Variants in TRPC4 observed in about 807,000 individuals in gnomAD.
TRPC4 encodes the protein transient receptor potential cation channel subfamily C member 4.
A neutral mutation model predicts 99.4 loss-of-function variants in TRPC4; 49 were observed. The ratio of observed to expected loss-of-function variants is 0.49; its 90% CI spans 0.39 to 0.63. The LOEUF (loss-of-function observed/expected upper bound fraction) is 0.63, where lower values mean the gene tolerates loss of function less well. Ranked by LOEUF, TRPC4 falls within the 20% of genes least tolerant of loss-of-function variation. TRPC4 has a pLI of 0.00. For synonymous variants in TRPC4, 454 were observed against 425.9 expected (o/e 1.07, Z -0.81); for missense variants, 898 against 1,152.9 (o/e 0.78, Z 3.20).
chr13:37,796,929 A>AAAAATAAAAT (rs1193921345), intron 1 of TRPC4, among the ~76,000 whole-genome samples: 7,775 of 40,944 alleles, frequency 0.19, 1,017 homozygotes, highest in Non-Finnish European at 0.25. Context: ...TCCTCTCTAC[A>AAAAATAAAAT]AAAATAAAAT....
chr13:37,803,052 C>T (rs536574583), intron 1 of TRPC4, among the ~76,000 whole-genome samples: 2 of 151,846 alleles, frequency 1.3e-5, no homozygotes, highest in African/African-American at 4.8e-5. Context: ...TAACCTGATA[C>T]TATTATTGTT....
At chr13:37,771,514 G>A (rs1030442524) in intron 2 of TRPC4, among the ~76,000 whole-genome samples, 1 of 151,174 alleles carries the variant, frequency 6.6e-6, no homozygotes, top group Non-Finnish European at 1.5e-5. Context: ...TTTAAGAAAA[G>A]CAGTTCATTT....
chr13:37,647,821 G>T lies in TRPC4; in HGVS notation c.2079+3444C>A, dbSNP rs376093822. Among the ~76,000 whole-genome samples, 3 of 152,110 alleles carry T rather than the reference G, an allele frequency of 2.0e-5. No individual in the cohort carries two copies. In the East Asian group the frequency reaches 5.8e-4, roughly 29 times the overall value. Reference sequence around the variant, plus strand: ...ATGTCCACATAATAAACTATCAGGAGGATTAACCAAGTTGAAATAAATTCA... The same window carrying T: ...ATGTCCACATAATAAACTATCAGGATGATTAACCAAGTTGAAATAAATTCA... On this transcript the variant is annotated intron_variant, in intron 8 of 10. Coordinates refer to ENST00000379705, the MANE Select transcript of TRPC4 (RefSeq NM_016179.4).
chr13:37,764,559 T>A (rs530308868), intron 2 of TRPC4, among the ~76,000 whole-genome samples: 3 of 151,518 alleles, frequency 2.0e-5, no homozygotes, highest in South Asian at 2.1e-4. Flanking sequence ...TTTTTGTTTG[T>A]TTGGTTTTGT....
intron 1 of TRPC4, among the ~76,000 whole-genome samples, chr13:37,807,829 A>G (rs1169461549): frequency 6.6e-6 from 1 of 152,046 alleles, no homozygotes; most frequent in African/African-American, 2.4e-5. Flanking sequence ...ATTAATGAAA[A>G]TCCTCTGTAG....
intron 3 of TRPC4, among the ~76,000 whole-genome samples, chr13:37,714,494 T>G (rs2139001280): frequency 6.6e-6 from 1 of 152,330 alleles, no homozygotes; most frequent in African/African-American, 2.4e-5. Context: ...TAAACTGATC[T>G]TTTCAAAATC....
At chr13:37,726,708 A>T (rs971014923) in intron 3 of TRPC4, among the ~76,000 whole-genome samples, 11 of 152,286 alleles carry the variant, frequency 7.2e-5, no homozygotes, top group South Asian at 2.1e-4. Flanking sequence ...TTTCTACAAG[A>T]GACTCACCTT....
chr13:37,792,014 T>A (rs545741376), intron 1 of TRPC4, among the ~76,000 whole-genome samples: 1 of 152,228 alleles, frequency 6.6e-6, no homozygotes, highest in South Asian at 2.1e-4. Context: ...CTAGGCATAA[T>A]AGGAAGTTAC....
intron 4 of TRPC4, among the ~76,000 whole-genome samples, chr13:37,689,957 C>T (rs1320431857): frequency 1.3e-5 from 2 of 152,170 alleles, no homozygotes; most frequent in Non-Finnish European, 2.9e-5. Flanking sequence ...GTATTTGACA[C>T]ATTTTCATTG....
rs190153006 is a variant in TRPC4, at chr13:37,710,725, T to C, written c.898-18390A>G. On this transcript the variant is annotated intron_variant, in intron 3 of 10. Coordinates refer to ENST00000379705, the MANE Select transcript of TRPC4 (RefSeq NM_016179.4). ...AAATGTTAGCTGATGATCTTCTTTA[T>C]GGGTCTTGAATCTGTCTTGTCTCTA... is the stretch of plus-strand genomic sequence containing the variant. Among the ~76,000 whole-genome samples, 921 of 152,064 alleles carry C rather than the reference T, an allele frequency of 6.1e-3. 12 individuals are homozygous for C. Among genetic ancestry groups the C allele is most frequent in the African/African-American group, 0.021 (890 of 41,552 alleles).
intron 3 of TRPC4, among the ~76,000 whole-genome samples, chr13:37,726,515 T>C (rs1955063307): frequency 6.6e-6 from 1 of 151,918 alleles, no homozygotes; most frequent in African/African-American, 2.4e-5. Context: ...AATGAGAAGG[T>C]AATTACAAAA....
chr13:37,854,700 A>C (rs937964794), intron 1 of TRPC4, among the ~76,000 whole-genome samples: 3 of 152,094 alleles, frequency 2.0e-5, no homozygotes, highest in Admixed American at 6.6e-5. Flanking sequence ...CCAGATTATA[A>C]GATAATATTT....
intron 1 of TRPC4, among the ~76,000 whole-genome samples, chr13:37,803,252 T>C (rs74445735): frequency 0.032 from 4,925 of 152,134 alleles, 273 homozygotes; most frequent in African/African-American, 0.11. Flanking sequence ...GCAATCTTTT[T>C]TCAAGGGAGC....
At chr13:37,815,086 T>G (rs1957811872) in intron 1 of TRPC4, among the ~76,000 whole-genome samples, 1 of 151,698 alleles carries the variant, frequency 6.6e-6, no homozygotes, top group South Asian at 2.1e-4. Context: ...GGAAAAAAGA[T>G]CTTTCAATAA....
intron 1 of TRPC4, among the ~76,000 whole-genome samples, chr13:37,841,823 A>C (rs182839129): frequency 1.3e-5 from 2 of 152,180 alleles, no homozygotes; most frequent in Admixed American, 1.3e-4. Context: ...CTGCTCTAAA[A>C]AACAGTTTCT....
At chr13:37,765,477 T>C (rs1009444169) in intron 2 of TRPC4, among the ~76,000 whole-genome samples, 1 of 151,416 alleles carries the variant, frequency 6.6e-6, no homozygotes, top group Admixed American at 6.6e-5. Flanking sequence ...TTATTTGACA[T>C]GTATTTCTCC....
chr13:37,682,648 C>T (rs1953288189), intron 4 of TRPC4, among the ~76,000 whole-genome samples: 1 of 152,172 alleles, frequency 6.6e-6, no homozygotes, highest in Non-Finnish European at 1.5e-5. Flanking sequence ...TCCCAACCAC[C>T]TAGCCCTCTC....
chr13:37,824,633 A>G (rs1282069887), intron 1 of TRPC4, among the ~76,000 whole-genome samples: 1 of 152,060 alleles, frequency 6.6e-6, no homozygotes, highest in East Asian at 1.9e-4. Flanking sequence ...CCACTTGACC[A>G]TGGTGGATAA....
chr13:37,666,399 G>T (rs955945191), intron 5 of TRPC4, among the ~76,000 whole-genome samples: 1 of 152,118 alleles, frequency 6.6e-6, no homozygotes, highest in African/African-American at 2.4e-5. Context: ...TAATTTGTCT[G>T]TTCTCTGATC....
Sources: gnomAD v4.1 joint callset for allele counts (sites outside exome capture counted in the v4.1 genomes callset) on GRCh38, gnomAD v4.1.1 for gene constraint, MANE v1.5 for transcripts, NCBI Gene and HGNC (gene_info 2026-07-23, HGNC 2026-07-21) for gene names.